The following PRSS3 variants were observed in gnomAD, a reference collection of about 807,000 sequenced individuals.
The protein encoded by PRSS3 is trypsin-3.
PRSS3 carries 14 observed loss-of-function variants against 20.8 expected under a neutral mutation model. The observed-to-expected ratio is 0.67, with a 90% confidence interval of 0.44 to 1.05. The LOEUF is 1.05. PRSS3 is among the 50% of genes least tolerant of loss of function. The pLI is 0.00. For missense variants in PRSS3, 237 were observed against 306.4 expected (o/e 0.77, Z 1.69); for synonymous variants, 91 against 117.6 (o/e 0.77, Z 1.46).
chr9:33,753,121 G>A (rs930891193), intron 1 of PRSS3, among the ~76,000 whole-genome samples: 6 of 152,328 alleles, frequency 3.9e-5, no homozygotes, highest in African/African-American at 1.4e-4. Context: ...TACCACAGCT[G>A]CCTCTGGAGT....
At chr9:33,781,773 C>A (rs1824194770) in intron 1 of PRSS3, among the ~76,000 whole-genome samples, 1 of 152,188 alleles carries the variant, frequency 6.6e-6, no homozygotes, top group African/African-American at 2.4e-5. Context: ...AAAGCTGATT[C>A]TAGAAGGTAT....
At chr9:33,779,564 G>T (rs374820138) in intron 1 of PRSS3, among the ~76,000 whole-genome samples, 2 of 152,046 alleles carry the variant, frequency 1.3e-5, no homozygotes, top group Non-Finnish European at 1.5e-5. Context: ...TAAGACAAAA[G>T]AATTTAAAAA....
intron 1 of PRSS3, among the ~76,000 whole-genome samples, chr9:33,789,496 T>C (rs1167836557): frequency 6.6e-5 from 10 of 152,334 alleles, no homozygotes; most frequent in Middle Eastern, 3.4e-3. Context: ...TAGGATTAGT[T>C]TTCTAGCTCA....
chr9:33,792,652 T>G (rs1223812620), upstream of PRSS3, among the ~76,000 whole-genome samples: 1 of 152,252 alleles, frequency 6.6e-6, no homozygotes, highest in Non-Finnish European at 1.5e-5. Flanking sequence ...TAAAACCTAC[T>G]GGCTGTGTGG....
In PRSS3 at chr9:33,776,981, A is replaced by C. The variant is rs182686139; in HGVS notation, c.-52-17765A>C. 2.1e-4 allele frequency among the ~76,000 whole-genome samples: 32 copies of C among 152,322 alleles called. No homozygotes were observed. In the East Asian group the frequency reaches 6.2e-3, roughly 29 times the overall value. ...AATTTCAGAAAAATAATCTGTAGAA[A>C]ACCTACCTAGGCACATCACAGTCAA... On this transcript the variant is annotated intron_variant, in intron 1 of 5. Coordinates refer to the PRSS3 transcript ENST00000342836.
chr9:33,789,835 A>G (rs1824555218), intron 1 of PRSS3, among the ~76,000 whole-genome samples: 1 of 151,894 alleles, frequency 6.6e-6, no homozygotes, highest in Non-Finnish European at 1.5e-5. Context: ...TTATCAAGTG[A>G]CAGACCTAAG....
rs540664940 is a variant in PRSS3 at position 33,771,483 on chromosome 9, G to A, written c.-53+20756G>A. 8.6e-5 allele frequency among the ~76,000 whole-genome samples: 13 copies of A among 150,936 alleles called. 2 individuals are homozygous for A. The South Asian group carries it at 2.7e-3, about 32-fold the overall frequency. On this transcript the variant is annotated intron_variant, in intron 1 of 5. Coordinates refer to the PRSS3 transcript ENST00000342836. ...TGGGATTACAGGTGCCCACCACCAC[G>A]CCCGGCTGATTTTTGTATTTTTAGT... is the stretch of plus-strand genomic sequence containing the variant.
chr9:33,758,438 G>A (rs1170250353), intron 1 of PRSS3, among the ~76,000 whole-genome samples: 1 of 152,182 alleles, frequency 6.6e-6, no homozygotes, highest in African/African-American at 2.4e-5. Context: ...GTAGATTAGT[G>A]TTTCTTAATC....
chr9:33,796,945 C>A, intron 2 of PRSS3, 143 bp downstream of exon 2: 1 of 1,330,468 alleles, frequency 7.5e-7, no homozygotes, highest in Non-Finnish European at 1.1e-6. Flanking sequence ...GCTGACTCTC[C>A]AGAGCAAGGC....
intron 1 of PRSS3, among the ~76,000 whole-genome samples, chr9:33,753,033 A>G (rs1476478933): frequency 6.6e-6 from 1 of 152,234 alleles, no homozygotes; most frequent in Non-Finnish European, 1.5e-5. Flanking sequence ...ATGGAAACAG[A>G]GATATTGTGT....
At position 33,795,706 on chromosome 9, in the gene PRSS3, G is replaced by A. The variant is rs74201970; in HGVS notation, c.40+93G>A. The A allele has an allele frequency of 6.8e-5, 80 of 1,184,924 alleles. No individual in the cohort carries two copies. The East Asian group carries it at 1.6e-3, about 24-fold the overall frequency. The allele number at this position is 1,184,924 out of a possible 1,614,324, so 73.4% of individuals were successfully genotyped here. On this transcript the variant is annotated intron_variant, in intron 1 of 4. Transcript: ENST00000379405. ...TTGCCACCTCTCCTCTTTTGACTGC[G>A]CTCTGATATTCTATTTCCTCCATCT...
At chr9:33,779,259 A>G (rs1435809099) in intron 1 of PRSS3, among the ~76,000 whole-genome samples, 1 of 152,190 alleles carries the variant, frequency 6.6e-6, no homozygotes, top group Non-Finnish European at 1.5e-5. Flanking sequence ...GAAATGACAA[A>G]CACAAAATTC....
At chr9:33,791,420 G>A (rs1824624884), upstream of PRSS3, among the ~76,000 whole-genome samples, 1 of 152,222 alleles carries the variant, frequency 6.6e-6, no homozygotes, top group South Asian at 2.1e-4. Context: ...CCAAATGGAT[G>A]ACACAGTCTA....
chr9:33,762,119 G>A (rs1005803120), intron 1 of PRSS3: 4 of 152,060 alleles, frequency 2.6e-5, no homozygotes, highest in East Asian at 3.9e-4. Context: ...GAGAGACATC[G>A]GGGCTCAGAC....
chr9:33,767,219 C>T (rs1249383258), intron 1 of PRSS3, among the ~76,000 whole-genome samples: 2 of 152,066 alleles, frequency 1.3e-5, no homozygotes, highest in East Asian at 1.9e-4. Context: ...ATTTGGGAGG[C>T]CCAGGCAGGT....
At chr9:33,779,114 A>G (rs2118976392) in intron 1 of PRSS3, among the ~76,000 whole-genome samples, 1 of 152,356 alleles carries the variant, frequency 6.6e-6, no homozygotes, top group African/African-American at 2.4e-5. Context: ...CCCCGCAGTT[A>G]AAGGAACACC....
Position 33,764,371 on chromosome 9 carries a change from T to A in PRSS3, c.-53+13644T>A, listed in dbSNP as rs1823329581. On this transcript the variant is annotated intron_variant, in intron 1 of 5. Transcript: ENST00000342836. Reference sequence around the variant, plus strand: ...CAACATGGTGAAACCTTGTCTCTATTAAAAATACAAAATTAGCCAGGTGTG... The same window carrying A: ...CAACATGGTGAAACCTTGTCTCTATAAAAAATACAAAATTAGCCAGGTGTG... Among the ~76,000 whole-genome samples, 3 of 152,194 alleles carry A rather than the reference T, an allele frequency of 2.0e-5. No individual in the cohort carries two copies. The South Asian group carries it at 6.2e-4, about 32-fold the overall frequency.
At chr9:33,757,588 G>T (rs1469707972) in intron 1 of PRSS3, among the ~76,000 whole-genome samples, 4 of 151,822 alleles carry the variant, frequency 2.6e-5, no homozygotes, top group African/African-American at 9.7e-5. Flanking sequence ...TGGAAAGCCT[G>T]CCCATTAGAC....
At chr9:33,762,237 T>C (rs1464211773) in intron 1 of PRSS3, 1 of 152,244 alleles carries the variant, frequency 6.6e-6, no homozygotes, top group Non-Finnish European at 1.5e-5. Flanking sequence ...CTTCAGACTC[T>C]TTCTGGTCTT....
Sources: allele counts gnomAD v4.1 joint callset (sites outside exome capture counted in the v4.1 genomes callset), GRCh38; gene constraint gnomAD v4.1.1; transcripts MANE v1.5; gene names NCBI Gene and HGNC (gene_info 2026-07-23, HGNC 2026-07-21).